The following GABRG3 variants were observed in gnomAD, a reference collection of about 807,000 sequenced individuals.
GABRG3 encodes the protein gamma-aminobutyric acid receptor subunit gamma-3.
GABRG3 carries 25 observed loss-of-function variants against 48.8 expected under a neutral mutation model. That is an observed-to-expected ratio of 0.51 (90% CI 0.37 to 0.72). The LOEUF (loss-of-function observed/expected upper bound fraction) is 0.72, where lower values mean the gene tolerates loss of function less well. Among genes scored for constraint, GABRG3 ranks in the 30% least tolerant of loss-of-function variants. The pLI is 0.00. For missense variants in GABRG3, 394 were observed against 577.9 expected, an observed-to-expected ratio of 0.68 and a Z score of 3.26; for synonymous variants, 227 against 217.6, an observed-to-expected ratio of 1.04 and a Z score of -0.38.
chr15:27,424,744 G>A (rs1024689157), intron 5 of GABRG3, among the ~76,000 whole-genome samples: 1 of 151,962 alleles, frequency 6.6e-6, no homozygotes, highest in Non-Finnish European at 1.5e-5. Flanking sequence ...AGTAGAGATG[G>A]GGTTTCACCA....
At chr15:27,474,807 C>A (rs1223611220) in intron 5 of GABRG3, among the ~76,000 whole-genome samples, 1 of 152,090 alleles carries the variant, frequency 6.6e-6, no homozygotes, top group Non-Finnish European at 1.5e-5. Flanking sequence ...GAAACAATCA[C>A]CTCCCTACTC....
intron 3 of GABRG3, among the ~76,000 whole-genome samples, chr15:27,089,539 G>A (rs55658755): frequency 0.25 from 37,747 of 151,986 alleles, 4,864 homozygotes; most frequent in Middle Eastern, 0.35. Flanking sequence ...AAGGCAGTTC[G>A]GAGACAAGCA....
intron 3 of GABRG3, among the ~76,000 whole-genome samples, chr15:27,248,688 A>G (rs1411112061): frequency 6.6e-6 from 1 of 151,968 alleles, no homozygotes; most frequent in African/African-American, 2.4e-5. Context: ...ATGCCTTAAA[A>G]TATTCAAATC....
chr15:27,146,946 C>T (rs1595551190), intron 3 of GABRG3, among the ~76,000 whole-genome samples: 1 of 151,960 alleles, frequency 6.6e-6, no homozygotes, highest in Non-Finnish European at 1.5e-5. Flanking sequence ...TTCATAATTA[C>T]ATTAAATGTA....
chr15:27,282,272 C>T (rs552742665), intron 3 of GABRG3, among the ~76,000 whole-genome samples: 4 of 152,258 alleles, frequency 2.6e-5, no homozygotes, highest in African/African-American at 9.6e-5. Context: ...TGCCTAAATT[C>T]GGAAGTTTAA....
At chr15:26,998,047 G>A (rs1487247780) in intron 2 of GABRG3, among the ~76,000 whole-genome samples, 4 of 152,176 alleles carry the variant, frequency 2.6e-5, no homozygotes, top group African/African-American at 9.7e-5. Context: ...AGCCTACCTT[G>A]TGTTTTTCTC....
intron 5 of GABRG3, among the ~76,000 whole-genome samples, chr15:27,393,326 A>G (rs1485835149): frequency 6.8e-6 from 1 of 147,758 alleles, no homozygotes; most frequent in Non-Finnish European, 1.5e-5. Flanking sequence ...CCTGGGTGAC[A>G]GAGCGAGACT....
chr15:27,071,213 G>A (rs182725012), intron 3 of GABRG3, among the ~76,000 whole-genome samples: 1 of 152,160 alleles, frequency 6.6e-6, no homozygotes, highest in Non-Finnish European at 1.5e-5. Context: ...ACCCTTTGGG[G>A]CCAAAGCTGC....
chr15:27,214,353 G>A (rs1019174986), intron 3 of GABRG3, among the ~76,000 whole-genome samples: 4 of 152,234 alleles, frequency 2.6e-5, no homozygotes, highest in Non-Finnish European at 4.4e-5. Flanking sequence ...CATGATGGCC[G>A]CGTCGGGTAT....
At chr15:27,300,793 G>A (rs1892179144) in intron 3 of GABRG3, among the ~76,000 whole-genome samples, 1 of 150,280 alleles carries the variant, frequency 6.7e-6, no homozygotes, top group African/African-American at 2.5e-5. Context: ...TTAGAAATAA[G>A]AAATAACTAC....
intron 5 of GABRG3, among the ~76,000 whole-genome samples, chr15:27,345,991 T>C (rs1181719058): frequency 1.4e-5 from 2 of 146,784 alleles, no homozygotes; most frequent in African/African-American, 5.0e-5. Flanking sequence ...GAGGTGGAGG[T>C]TTCAGTGAGC....
In GABRG3 at chr15:27,488,490, TG is replaced by T. The variant is rs537627031; in HGVS notation, c.712+7707del. ...AGACACAGTTTCCTCATCTGCAAAATGGGGAAGACAATTCTAGTGCCGGCCT... is the reference window on the plus strand; with the variant it reads ...AGACACAGTTTCCTCATCTGCAAAATGGGAAGACAATTCTAGTGCCGGCCT... On this transcript the variant is annotated intron_variant, in intron 6 of 9. Coordinates refer to ENST00000615808, the MANE Select transcript of GABRG3 (RefSeq NM_033223.5). Among the ~76,000 whole-genome samples, 106 of 152,228 alleles carry T rather than the reference TG, an allele frequency of 7.0e-4. 1 individual carries two copies. Among genetic ancestry groups the T allele is most frequent in the Admixed American group, 3.9e-3 (59 of 15,278 alleles).
In GABRG3 at chr15:27,520,036, G is replaced by A. The variant is rs1442984658; in HGVS notation, c.777G>A (p.Gln259=). 1 of 1,592,968 alleles carries A rather than the reference G, an allele frequency of 6.3e-7. No homozygotes were observed. Among genetic ancestry groups the A allele is most frequent in the Admixed American group, 1.8e-5 (1 of 57,022 alleles). The change falls in exon 7 of 10, where the codon CAG becomes CAA. Residue 259 remains glutamine, a synonymous_variant. Coordinates refer to ENST00000615808, the MANE Select transcript of GABRG3 (RefSeq NM_033223.5). ...LSRRMGYFTI[Q]TYIPCILTVV... The stretch of plus-strand genomic sequence containing the variant: ...GAAGAATGGGATACTTCACCATTCA[G>A]ACATACATTCCCTGTATACTGACTG...
At position 27,534,703 on chromosome 15, in the gene GABRG3, TG is replaced by T. The variant is rs1276261028; in HGVS notation, c.*1825del. On this transcript the variant is annotated 3_prime_UTR_variant, in exon 10 of 10. Coordinates refer to ENST00000615808, the MANE Select transcript of GABRG3 (RefSeq NM_033223.5). ...GATGTATACCAGACACAGAAGAGGA[TG>T]GGAGCAGAAGAGGCCAGAAAAAGTG... The T allele has an allele frequency of 6.6e-6, 1 of 152,190 alleles. No homozygotes were observed. The highest frequency in any genetic ancestry group is 1.5e-5 in the Non-Finnish European group (1 of 68,050). 9.4% of individuals were successfully genotyped at this position (152,190 alleles called of 1,614,324 possible). A position where few individuals can be genotyped will look rare whatever the true frequency, so the allele number is the denominator to read the frequency against.
chr15:27,341,864 T>C (rs1000736522), intron 5 of GABRG3, among the ~76,000 whole-genome samples: 2 of 152,146 alleles, frequency 1.3e-5, no homozygotes, highest in African/African-American at 4.8e-5. Flanking sequence ...AAAAAATATG[T>C]GGTGCTGTTT....
intron 5 of GABRG3, among the ~76,000 whole-genome samples, chr15:27,423,807 A>G (rs538023222): frequency 3.7e-4 from 53 of 145,174 alleles, no homozygotes; most frequent in Middle Eastern, 3.8e-3. Context: ...GACTCAAGCA[A>G]TCCTCCCACC....
chr15:27,084,527 G>A (rs1897044260), intron 3 of GABRG3, among the ~76,000 whole-genome samples: 1 of 152,202 alleles, frequency 6.6e-6, no homozygotes, highest in African/African-American at 2.4e-5. Context: ...GGTCCTGGTG[G>A]TACAACCATG....
At chr15:27,038,354 G>A (rs1322224804) in intron 3 of GABRG3, among the ~76,000 whole-genome samples, 1 of 152,150 alleles carries the variant, frequency 6.6e-6, no homozygotes, top group African/African-American at 2.4e-5. Context: ...ATGTCTGCAT[G>A]GTCTCTCAGT....
intron 5 of GABRG3, among the ~76,000 whole-genome samples, chr15:27,347,619 C>T (rs373144303): frequency 3.5e-4 from 53 of 152,274 alleles, no homozygotes; most frequent in African/African-American, 1.3e-3. Context: ...TGAGATAGCC[C>T]TGCCAGAGAA....
Sources: gnomAD v4.1 joint callset for allele counts (sites outside exome capture counted in the v4.1 genomes callset) on GRCh38, gnomAD v4.1.1 for gene constraint, MANE v1.5 for transcripts, NCBI Gene and HGNC (gene_info 2026-07-23, HGNC 2026-07-21) for gene names.